Variants in UST observed in about 807,000 individuals in gnomAD.
UST encodes chondroitin sulfate 2-O-sulfotransferase.
In UST, 21 loss-of-function variants were observed where a neutral mutation model predicts 45.6. That is an observed-to-expected ratio of 0.46 (90% CI 0.33 to 0.66). The LOEUF (loss-of-function observed/expected upper bound fraction) is 0.66, where lower values mean the gene tolerates loss of function less well. Among genes scored for constraint, UST ranks in the 30% least tolerant of loss-of-function variants. UST has a pLI of 0.02. For synonymous variants in UST, 215 were observed against 200.6 expected, an observed-to-expected ratio of 1.07 and a Z score of -0.61; for missense variants, 463 against 512.4, an observed-to-expected ratio of 0.90 and a Z score of 0.93.
rs145141136 is a variant in UST, at chr6:148,771,402, A to G, written c.247+23725A>G. ...TTTTTGTAGAGCTGTTCAGCCTTCC[A>G]ACGCTTGTTGGATGACATCCAGCCC... On this transcript the variant is annotated intron_variant, in intron 1 of 7. Coordinates refer to ENST00000367463, the MANE Select transcript of UST (RefSeq NM_005715.3). Among the ~76,000 whole-genome samples the G allele has an allele frequency of 3.5e-3, 529 of 152,292 alleles. 7 individuals carry two copies. The East Asian group carries it at 0.055, about 16-fold the overall frequency.
intron 1 of UST, among the ~76,000 whole-genome samples, chr6:148,810,586 T>C (rs1264174285): frequency 1.3e-5 from 2 of 152,314 alleles, no homozygotes; most frequent in African/African-American, 4.8e-5. Flanking sequence ...TGTTTGAACC[T>C]TGATGCCCAT....
intron 1 of UST, 101 bp downstream of exon 1, chr6:148,747,778 G>T (rs1775901653): frequency 7.2e-7 from 1 of 1,394,628 alleles, no homozygotes; most frequent in South Asian, 1.5e-5. Flanking sequence ...ACCGCGCGCC[G>T]CCGCCGCCCC....
chr6:148,953,394 G>T (rs1780405469), intron 3 of UST, among the ~76,000 whole-genome samples: 3 of 152,162 alleles, frequency 2.0e-5, no homozygotes, highest in Non-Finnish European at 1.5e-5. Flanking sequence ...TATCAATTTG[G>T]ATAGCACTGT....
intron 7 of UST, among the ~76,000 whole-genome samples, chr6:149,041,193 T>C (rs1180061994): frequency 6.6e-6 from 1 of 152,236 alleles, no homozygotes; most frequent in Non-Finnish European, 1.5e-5. Flanking sequence ...ATGCATTTAA[T>C]AGTCCTGATC....
At chr6:148,882,140 C>T (rs1459107209) in intron 1 of UST, among the ~76,000 whole-genome samples, 1 of 152,106 alleles carries the variant, frequency 6.6e-6, no homozygotes, top group Non-Finnish European at 1.5e-5. Context: ...CAGGTGCCAA[C>T]ACCGAGGACC....
At chr6:148,831,283 A>G (rs906148067) in intron 1 of UST, among the ~76,000 whole-genome samples, 8 of 152,212 alleles carry the variant, frequency 5.3e-5, no homozygotes, top group East Asian at 1.9e-4. Context: ...GAAAAAATTC[A>G]GGTGCAGAGA....
chr6:149,007,466 T>A (rs1775736253), intron 5 of UST, among the ~76,000 whole-genome samples: 1 of 143,426 alleles, frequency 7.0e-6, no homozygotes, highest in Non-Finnish European at 1.5e-5. Context: ...TTTTTGTATT[T>A]TTTTTTTTTT....
intron 1 of UST, among the ~76,000 whole-genome samples, chr6:148,781,119 T>C (rs2114688930): frequency 6.6e-6 from 1 of 152,244 alleles, no homozygotes; most frequent in African/African-American, 2.4e-5. Flanking sequence ...AAGCTAGAAA[T>C]GATTAAGCTT....
chr6:148,754,066 C>T (rs2114645989), intron 1 of UST, among the ~76,000 whole-genome samples: 1 of 151,272 alleles, frequency 6.6e-6, no homozygotes, highest in East Asian at 1.9e-4. Context: ...GCGATCTCAG[C>T]TCACTGCAAG....
intron 7 of UST, among the ~76,000 whole-genome samples, chr6:149,021,997 GA>G (rs774254450): frequency 2.6e-5 from 4 of 152,298 alleles, no homozygotes. Flanking sequence ...GCAGCAAATT[GA>G]AAATACAATT....
chr6:148,784,936 G>A (rs941074006), intron 1 of UST, among the ~76,000 whole-genome samples: 3 of 152,210 alleles, frequency 2.0e-5, no homozygotes, highest in African/African-American at 4.8e-5. Flanking sequence ...GTGGCCGGGC[G>A]CAGTGGCTCG....
chr6:149,060,580 C>T (rs189286935), intron 7 of UST, among the ~76,000 whole-genome samples: 1 of 152,258 alleles, frequency 6.6e-6, no homozygotes, highest in East Asian at 1.9e-4. Flanking sequence ...GTTTTGGGAG[C>T]GGCCAGCGTG....
chr6:148,896,820 G>A (rs565038251), intron 2 of UST, among the ~76,000 whole-genome samples: 111 of 152,176 alleles, frequency 7.3e-4, no homozygotes, highest in Non-Finnish European at 1.4e-3. Flanking sequence ...GAGAAGCATC[G>A]GTTTTAGAAT....
chr6:148,902,229 T>C (rs1443353271), intron 2 of UST, among the ~76,000 whole-genome samples: 6 of 152,074 alleles, frequency 3.9e-5, no homozygotes, highest in African/African-American at 1.2e-4. Context: ...CTTTGCTTGA[T>C]GTTTTATTTT....
At chr6:149,018,437 T>G (rs1775936789) in intron 5 of UST, among the ~76,000 whole-genome samples, 1 of 152,188 alleles carries the variant, frequency 6.6e-6, no homozygotes, top group Non-Finnish European at 1.5e-5. Context: ...ATGTCTTATT[T>G]AGAATCTCTA....
intron 1 of UST, among the ~76,000 whole-genome samples, chr6:148,886,564 C>A (rs1778915803): frequency 6.6e-6 from 1 of 152,188 alleles, no homozygotes; most frequent in Admixed American, 6.5e-5. Flanking sequence ...TCAGGACCGG[C>A]AGCATCAGTA....
At chr6:148,819,093 C>A (rs138918991) in intron 1 of UST, among the ~76,000 whole-genome samples, 2,480 of 152,224 alleles carry the variant, frequency 0.016, 29 homozygotes, top group Non-Finnish European at 0.026. Flanking sequence ...AGCAAAACCC[C>A]GCTGGGCTCT....
At chr6:148,951,000 G>A (rs1236394682) in intron 3 of UST, among the ~76,000 whole-genome samples, 1 of 152,248 alleles carries the variant, frequency 6.6e-6, no homozygotes, top group Non-Finnish European at 1.5e-5. Flanking sequence ...AGCCAGAGGT[G>A]AAGAGTGGTT....
intron 2 of UST, among the ~76,000 whole-genome samples, chr6:148,911,731 T>C (rs1273360099): frequency 6.6e-6 from 1 of 152,056 alleles, no homozygotes; most frequent in Non-Finnish European, 1.5e-5. Flanking sequence ...AAATCAGACA[T>C]GAAACCGGAA....
Sources: gnomAD v4.1 joint callset for allele counts (sites outside exome capture counted in the v4.1 genomes callset) on GRCh38, gnomAD v4.1.1 for gene constraint, MANE v1.5 for transcripts, NCBI Gene and HGNC (gene_info 2026-07-23, HGNC 2026-07-21) for gene names.